The following GABRG3 variants were observed in gnomAD, a reference collection of about 807,000 sequenced individuals.
GABRG3 encodes the protein gamma-aminobutyric acid type A receptor subunit gamma3.
Under a neutral mutation model 48.8 loss-of-function variants are expected in GABRG3, and 25 were observed. The observed-to-expected ratio is 0.51, with a 90% CI of 0.37 to 0.72. The LOEUF (loss-of-function observed/expected upper bound fraction) is 0.72, where lower values mean the gene tolerates loss of function less well. Among genes scored for constraint, GABRG3 ranks in the 30% least tolerant of loss-of-function variants. The pLI, the probability that GABRG3 is intolerant of heterozygous loss-of-function variation, is 0.00. For missense variants in GABRG3, 394 were observed against 577.9 expected, an observed-to-expected ratio of 0.68 and a Z score of 3.26; for synonymous variants, 227 against 217.6, an observed-to-expected ratio of 1.04 and a Z score of -0.38.
chr15:27,477,924 C>T (rs4778145), intron 5 of GABRG3, among the ~76,000 whole-genome samples: 120,955 of 151,856 alleles, frequency 0.8, 48,994 homozygotes, highest in African/African-American at 0.95. Flanking sequence ...CAGGTGCCTG[C>T]AGTCCCAGCT....
chr15:27,306,170 T>C lies in GABRG3; in HGVS notation c.271-20639T>C, dbSNP rs1359311896. Among the ~76,000 whole-genome samples, 2 of 133,488 alleles carry C rather than the reference T, an allele frequency of 1.5e-5. 1 individual carries two copies. Among genetic ancestry groups the C allele is most frequent in the African/African-American group, 5.5e-5 (2 of 36,582 alleles). 87.6% of individuals were successfully genotyped at this position (133,488 alleles called of 152,430 possible). On this transcript the variant is annotated intron_variant, in intron 3 of 9. Coordinates refer to ENST00000615808, the MANE Select transcript of GABRG3 (RefSeq NM_033223.5). ...TATATAATATAAACCTATATGTTTATATATAAACATATAATATAAACATAT... is the reference window on the plus strand; with the variant it reads ...TATATAATATAAACCTATATGTTTACATATAAACATATAATATAAACATAT...
chr15:27,153,118 C>T (rs1205719212), intron 3 of GABRG3, among the ~76,000 whole-genome samples: 1 of 152,210 alleles, frequency 6.6e-6, no homozygotes, highest in African/African-American at 2.4e-5. Flanking sequence ...GCCTCGGCCT[C>T]CCAAAGTGCT....
chr15:26,994,083 T>A (rs1230300218), intron 2 of GABRG3, among the ~76,000 whole-genome samples: 1 of 152,014 alleles, frequency 6.6e-6, no homozygotes, highest in African/African-American at 2.4e-5. Context: ...TTTCAGTCTA[T>A]ATGCATCTTT....
chr15:27,368,264 C>T (rs1330670727), intron 5 of GABRG3, among the ~76,000 whole-genome samples: 1 of 152,160 alleles, frequency 6.6e-6, no homozygotes, highest in Non-Finnish European at 1.5e-5. Flanking sequence ...TGAACTGGTT[C>T]CTAAAGCTTG....
chr15:27,513,762 A>T (rs1890955676), intron 6 of GABRG3, among the ~76,000 whole-genome samples: 1 of 152,228 alleles, frequency 6.6e-6, no homozygotes, highest in Non-Finnish European at 1.5e-5. Flanking sequence ...AGGACACGAG[A>T]CACATGTTAA....
chr15:27,288,718 A>AG (rs1491229385), intron 3 of GABRG3, among the ~76,000 whole-genome samples: 45 of 80,634 alleles, frequency 5.6e-4, no homozygotes, highest in African/African-American at 2.3e-3. Context: ...CGTCTCACAG[A>AG]AAAAAAAAAA....
At chr15:27,187,848 G>A (rs996021830) in intron 3 of GABRG3, among the ~76,000 whole-genome samples, 25 of 151,620 alleles carry the variant, frequency 1.6e-4, no homozygotes, top group African/African-American at 5.1e-4. Context: ...TCTAGCATTA[G>A]GTATATCTCC....
At chr15:27,524,656 C>A (rs3097495) in intron 7 of GABRG3, among the ~76,000 whole-genome samples, 95,030 of 151,828 alleles carry the variant, frequency 0.63, 30,905 homozygotes, top group African/African-American at 0.81. Context: ...GTTAAATATG[C>A]TAAATTATGT....
intron 3 of GABRG3, among the ~76,000 whole-genome samples, chr15:27,143,501 G>A (rs948626782): frequency 6.6e-6 from 1 of 152,168 alleles, no homozygotes; most frequent in Non-Finnish European, 1.5e-5. Context: ...TTTATCAAAT[G>A]AAAATTTTAC....
rs1376423984 is a variant in GABRG3 at position 27,538,874 on chromosome 15, A to G, written c.*5993A>G. 6.6e-6 allele frequency: 1 copy of G among 152,128 alleles called. No homozygotes were observed. The highest frequency in any genetic ancestry group is 6.5e-5 in the Admixed American group (1 of 15,270). The allele number at this position is 152,128 out of a possible 1,614,324, so 9.4% of individuals were successfully genotyped here. A position where few individuals can be genotyped will look rare whatever the true frequency, so the allele number is the denominator to read the frequency against. Reference sequence around the variant, plus strand: ...GATGTGTATGTACCCAACACATCCAATTTGTATTTTCTTAAATATGTGTTT... The same window carrying G: ...GATGTGTATGTACCCAACACATCCAGTTTGTATTTTCTTAAATATGTGTTT... On this transcript the variant is annotated 3_prime_UTR_variant, in exon 10 of 10. Coordinates refer to ENST00000615808, the MANE Select transcript of GABRG3 (RefSeq NM_033223.5).
intron 3 of GABRG3, among the ~76,000 whole-genome samples, chr15:27,086,768 T>C (rs1281097148): frequency 6.6e-6 from 1 of 152,228 alleles, no homozygotes; most frequent in East Asian, 1.9e-4. Context: ...GTTTTGTTTG[T>C]AGCAGTTTCT....
At position 27,268,611 on chromosome 15, in the gene GABRG3, G is replaced by A. The variant is rs185381819; in HGVS notation, c.271-58198G>A. ...CTTTTTCCAGTTTCTTAAGGTGAAA[G>A]CTGAGGTGATTGATTTAAGGTCTAT... On this transcript the variant is annotated intron_variant, in intron 3 of 9. Coordinates refer to ENST00000615808, the MANE Select transcript of GABRG3 (RefSeq NM_033223.5). Among the ~76,000 whole-genome samples the A allele has an allele frequency of 2.6e-5, 4 of 152,274 alleles. No homozygotes were observed. The East Asian group carries it at 7.7e-4, about 29-fold the overall frequency.
chr15:27,249,474 T>C (rs760574123), intron 3 of GABRG3, among the ~76,000 whole-genome samples: 16 of 152,166 alleles, frequency 1.1e-4, no homozygotes, highest in Non-Finnish European at 1.8e-4. Flanking sequence ...TAAAGTACCT[T>C]CTTAAATTTT....
intron 3 of GABRG3, among the ~76,000 whole-genome samples, chr15:27,165,587 G>A (rs1247354426): frequency 6.6e-6 from 1 of 151,868 alleles, no homozygotes; most frequent in Non-Finnish European, 1.5e-5. Flanking sequence ...AATCTCCCAA[G>A]TGCATCATTT....
At chr15:27,022,990 T>G (rs1405409183) in intron 2 of GABRG3, among the ~76,000 whole-genome samples, 1 of 152,238 alleles carries the variant, frequency 6.6e-6, no homozygotes, top group Non-Finnish European at 1.5e-5. Context: ...GAGGCTTAGC[T>G]GGCGGATCTT....
At chr15:27,398,817 T>G (rs1887396866) in intron 5 of GABRG3, among the ~76,000 whole-genome samples, 1 of 152,180 alleles carries the variant, frequency 6.6e-6, no homozygotes, top group Non-Finnish European at 1.5e-5. Flanking sequence ...AACGCAGTAG[T>G]CCTTGAACTA....
intron 3 of GABRG3, among the ~76,000 whole-genome samples, chr15:27,280,916 G>A (rs1453904493): frequency 2.6e-5 from 4 of 152,092 alleles, no homozygotes; most frequent in East Asian, 1.9e-4. Context: ...GTTGAGAGAG[G>A]GGTGTTAAAG....
chr15:27,177,025 C>G (rs1049957053), intron 3 of GABRG3, among the ~76,000 whole-genome samples: 53 of 152,192 alleles, frequency 3.5e-4, no homozygotes, highest in African/African-American at 1.3e-3. Context: ...AGTGGGAGGA[C>G]AAGAGATATT....
At chr15:27,234,988 G>C (rs1889911006) in intron 3 of GABRG3, among the ~76,000 whole-genome samples, 1 of 152,104 alleles carries the variant, frequency 6.6e-6, no homozygotes, top group Admixed American at 6.5e-5. Context: ...TCTCCAAATA[G>C]CCACAGTTCT....
Sources: gnomAD v4.1 joint callset for allele counts (sites outside exome capture counted in the v4.1 genomes callset) on GRCh38, gnomAD v4.1.1 for gene constraint, MANE v1.5 for transcripts, NCBI Gene and HGNC (gene_info 2026-07-23, HGNC 2026-07-21) for gene names.